Variants in CAMK4 observed in about 807,000 individuals in gnomAD.
CAMK4 encodes calcium/calmodulin dependent protein kinase IV.
CAMK4 carries 22 observed loss-of-function variants against 44.9 expected under a neutral mutation model. The ratio of observed to expected loss-of-function variants is 0.49; its 90% confidence interval spans 0.35 to 0.70. The LOEUF (loss-of-function observed/expected upper bound fraction) is 0.70. CAMK4 is among the 30% of genes least tolerant of loss of function. The pLI is 0.01. For missense variants in CAMK4, 498 were observed against 586.8 expected (o/e 0.85, Z 1.56); for synonymous variants, 218 against 215.4 (o/e 1.01, Z -0.11).
intron 4 of CAMK4, among the ~76,000 whole-genome samples, chr5:111,383,503 C>T (rs1035120921): frequency 5.9e-5 from 9 of 152,058 alleles, no homozygotes; most frequent in Admixed American, 1.3e-4. Flanking sequence ...GCACAGCAAA[C>T]GTTATGGGCA....
At chr5:111,309,316 G>A (rs1255741831) in intron 1 of CAMK4, among the ~76,000 whole-genome samples, 7 of 152,130 alleles carry the variant, frequency 4.6e-5, no homozygotes, top group Non-Finnish European at 1.0e-4. Flanking sequence ...GGTCTTAGGT[G>A]GGCAGGACAG....
chr5:111,472,165 G>C (rs146410758), intron 7 of CAMK4, among the ~76,000 whole-genome samples: 1 of 152,092 alleles, frequency 6.6e-6, no homozygotes, highest in African/African-American at 2.4e-5. Context: ...AAAGTGCTAG[G>C]ATTACAGGTG....
intron 1 of CAMK4, among the ~76,000 whole-genome samples, chr5:111,253,591 C>T (rs551708142): frequency 7.3e-4 from 111 of 152,246 alleles, no homozygotes; most frequent in African/African-American, 2.4e-3. Flanking sequence ...AAATGAAAGA[C>T]AATTTTTTGA....
chr5:111,404,683 G>T (rs1752351680), intron 5 of CAMK4, among the ~76,000 whole-genome samples: 1 of 152,160 alleles, frequency 6.6e-6, no homozygotes, highest in African/African-American at 2.4e-5. Flanking sequence ...CTGGTCAGTT[G>T]TTGTGTCTAA....
chr5:111,448,447 A>T (rs1052039739), intron 6 of CAMK4, among the ~76,000 whole-genome samples: 2 of 152,220 alleles, frequency 1.3e-5, no homozygotes, highest in Non-Finnish European at 2.9e-5. Context: ...CCTTAGAGTT[A>T]CTGTTACATA....
chr5:111,335,441 C>T (rs1000327980), intron 1 of CAMK4, among the ~76,000 whole-genome samples: 1 of 151,212 alleles, frequency 6.6e-6, no homozygotes, highest in South Asian at 2.1e-4. Context: ...TGTCAACACT[C>T]CTGCATTGTT....
chr5:111,295,440 C>T (rs1747442495), intron 1 of CAMK4, among the ~76,000 whole-genome samples: 1 of 152,158 alleles, frequency 6.6e-6, no homozygotes, highest in African/African-American at 2.4e-5. Flanking sequence ...GGTTCAAGAA[C>T]TCCAGCCCTA....
In CAMK4 at chr5:111,317,898, T is replaced by TAAAAAAAAAAAAAAAAAA. The variant is rs3066636; in HGVS notation, c.162-26113_162-26096dup. 3.0e-4 allele frequency among the ~76,000 whole-genome samples: 21 copies of TAAAAAAAAAAAAAAAAAA among 69,824 alleles called. 1 individual carries two copies. The highest frequency in any genetic ancestry group is 8.0e-4 in the South Asian group (1 of 1,252). The allele number at this position is 69,824 out of a possible 152,430, so 45.8% of individuals were successfully genotyped here. ...ATCCTAAAGCCGGTGGAGTAATATG[T>TAAAAAAAAAAAAAAAAAA]AAAAAAAAAAAAAAAAAAAAAAAAA... is the stretch of plus-strand genomic sequence containing the variant. On this transcript the variant is annotated intron_variant, in intron 1 of 10. Coordinates refer to ENST00000282356, the MANE Select transcript of CAMK4 (RefSeq NM_001744.6).
intron 1 of CAMK4, among the ~76,000 whole-genome samples, chr5:111,258,892 ACAACT>A (rs954444220): frequency 1.4e-4 from 21 of 152,244 alleles, no homozygotes; most frequent in African/African-American, 4.8e-4. Flanking sequence ...AGAAAAGTAA[ACAACT>A]CAATCTATGT....
intron 1 of CAMK4, among the ~76,000 whole-genome samples, chr5:111,275,501 A>G (rs2112591606): frequency 6.6e-6 from 1 of 152,018 alleles, no homozygotes; most frequent in South Asian, 2.1e-4. Flanking sequence ...TCATTTTTTT[A>G]TTATACTTTA....
intron 4 of CAMK4, among the ~76,000 whole-genome samples, chr5:111,384,143 G>A (rs879783206): frequency 3.9e-5 from 6 of 152,160 alleles, no homozygotes; most frequent in African/African-American, 1.4e-4. Flanking sequence ...AACTGGTGAA[G>A]ATTTTAAGTG....
intron 4 of CAMK4, among the ~76,000 whole-genome samples, chr5:111,385,276 T>A (rs1751557599): frequency 6.6e-6 from 1 of 152,016 alleles, no homozygotes; most frequent in Non-Finnish European, 1.5e-5. Context: ...ATAAACACAG[T>A]GTGTAGAGTA....
At chr5:111,267,761 A>G (rs953317625) in intron 1 of CAMK4, among the ~76,000 whole-genome samples, 14 of 151,918 alleles carry the variant, frequency 9.2e-5, no homozygotes, top group South Asian at 4.2e-4. Context: ...AGGGGATGAT[A>G]GAATTAGAAT....
intron 1 of CAMK4, among the ~76,000 whole-genome samples, chr5:111,332,440 C>A (rs947116024): frequency 1.3e-5 from 2 of 151,152 alleles, no homozygotes; most frequent in African/African-American, 4.9e-5. Flanking sequence ...TAGTATTCCA[C>A]GATGTATATG....
At chr5:111,233,841 A>G (rs953073995) in intron 1 of CAMK4, among the ~76,000 whole-genome samples, 3 of 152,196 alleles carry the variant, frequency 2.0e-5, no homozygotes, top group African/African-American at 4.8e-5. Flanking sequence ...TTATATATTG[A>G]ATAGAGTTAA....
chr5:111,423,182 T>C (rs916207120), intron 5 of CAMK4, among the ~76,000 whole-genome samples: 4 of 152,194 alleles, frequency 2.6e-5, no homozygotes, highest in Non-Finnish European at 5.9e-5. Flanking sequence ...TTCAAGAAAC[T>C]GTTAAATCAC....
intron 8 of CAMK4, among the ~76,000 whole-genome samples, chr5:111,476,601 A>G (rs1036466952): frequency 1.3e-5 from 2 of 152,030 alleles, no homozygotes; most frequent in African/African-American, 4.8e-5. Context: ...TAAGAGTTCT[A>G]GCTTGTCACC....
intron 1 of CAMK4, among the ~76,000 whole-genome samples, chr5:111,301,609 A>G (rs1194354448): frequency 6.6e-6 from 1 of 152,228 alleles, no homozygotes; most frequent in Non-Finnish European, 1.5e-5. Flanking sequence ...TAACTCTCAT[A>G]GGGGTACCAG....
rs148257520 is a variant in CAMK4, at chr5:111,326,164, T to A, written c.162-17860T>A. ...AAATAATGGGAAAAATTTAAAATGC[T>A]AAAAGTTGGCCCTTTGACATGATTA... On this transcript the variant is annotated intron_variant, in intron 1 of 10. Coordinates refer to ENST00000282356, the MANE Select transcript of CAMK4 (RefSeq NM_001744.6). 5.4e-3 allele frequency among the ~76,000 whole-genome samples: 815 copies of A among 152,094 alleles called. 7 individuals carry two copies. Among genetic ancestry groups the A allele is most frequent in the African/African-American group, 0.018 (755 of 41,564 alleles).
Sources: gnomAD v4.1 joint callset for allele counts (sites outside exome capture counted in the v4.1 genomes callset) on GRCh38, gnomAD v4.1.1 for gene constraint, MANE v1.5 for transcripts, NCBI Gene and HGNC (gene_info 2026-07-23, HGNC 2026-07-21) for gene names.